Variants in FAM107A observed in about 807,000 individuals in gnomAD.
The protein encoded by FAM107A is family with sequence similarity 107 member A.
FAM107A carries 19 observed loss-of-function variants against 13.7 expected under a neutral mutation model. The observed-to-expected ratio is 1.38, with a 90% CI of 0.97 to 2.03. FAM107A has a LOEUF of 2.03. FAM107A is among the 30% of genes most tolerant of loss of function. FAM107A has a pLI of 0.00. For missense variants in FAM107A, 203 were observed against 184.4 expected, an observed-to-expected ratio of 1.10 and a Z score of -0.58; for synonymous variants, 82 against 74.5, an observed-to-expected ratio of 1.10 and a Z score of -0.52.
At chr3:58,607,884 A>G (rs2065810897) in intron 1 of FAM107A, 1 of 152,236 alleles carries the variant, frequency 6.6e-6, no homozygotes, top group Non-Finnish European at 1.5e-5. Context: ...GAGCCTCTGA[A>G]TGAGAACACA....
In FAM107A at chr3:58,564,209, C is replaced by G. The variant is rs2063598640; in HGVS notation, c.*2379G>C. 6.6e-6 allele frequency: 1 copy of G among 152,188 alleles called. No homozygotes were observed. The highest frequency in any genetic ancestry group is 1.5e-5 in the Non-Finnish European group (1 of 68,056). 9.4% of individuals were successfully genotyped at this position (152,188 alleles called of 1,614,324 possible). On this transcript the variant is annotated 3_prime_UTR_variant, in exon 4 of 4. Coordinates refer to ENST00000360997, the MANE Select transcript of FAM107A (RefSeq NM_001076778.3). This position sits in a 1 kb window ranked among gnomAD's most constrained non-coding sequence, Gnocchi z 5.6. ...GGTGAAATAATGATAGGGTCAATGA[C>G]TCTGTGATTCTCTTGGCCTTTTTGT...
intron 1 of FAM107A, among the ~76,000 whole-genome samples, chr3:58,594,122 C>A (rs1190129642): frequency 1.3e-5 from 2 of 152,202 alleles, no homozygotes; most frequent in African/African-American, 4.8e-5. Context: ...CAAAGCCCAA[C>A]TATGGACATT....
In FAM107A at chr3:58,569,590, C is replaced by G. The variant is rs1200119043; in HGVS notation, c.170+101G>C. 9.9e-7 allele frequency: 1 copy of G among 1,005,098 alleles called. No homozygotes were observed. Among genetic ancestry groups the G allele is most frequent in the African/African-American group, 1.6e-5 (1 of 61,610 alleles). The allele number at this position is 1,005,098 out of a possible 1,614,324, so 62.3% of individuals were successfully genotyped here. ...TCAGCCTTCCTCAGTCTCCAGGAGC[C>G]CCAGGATGAAAGCCAGCTCTGCTTT... is the stretch of plus-strand genomic sequence containing the variant. On this transcript the variant is annotated intron_variant, in intron 2 of 3. Transcript: ENST00000360997. This position sits in a 1 kb window ranked among gnomAD's most constrained non-coding sequence, Gnocchi z 5.7.
chr3:58,624,526 C>T (rs1158865881), intron 1 of FAM107A, among the ~76,000 whole-genome samples: 1 of 152,272 alleles, frequency 6.6e-6, no homozygotes, highest in East Asian at 1.9e-4. Flanking sequence ...GGGGCCATTA[C>T]AATGAAATGT....
intron 1 of FAM107A, among the ~76,000 whole-genome samples, chr3:58,595,137 C>A (rs186359428): frequency 2.6e-5 from 4 of 152,248 alleles, no homozygotes; most frequent in Non-Finnish European, 5.9e-5. Context: ...CCCACACCCC[C>A]CCAGTCCCAC....
rs79499588 is a variant in FAM107A, at chr3:58,617,412, A to G, written c.-70+10004T>C. On this transcript the variant is annotated intron_variant, in intron 1 of 3. Coordinates refer to the FAM107A transcript ENST00000465970. The surrounding 1 kb of genome is among the most constrained non-coding windows in gnomAD (Gnocchi z 4.5). ...CTCAGGCCCCGTCCTGAGCTTCCTGAGGAGCCGGATGTCACCTAGACCAAG... is the reference window on the plus strand; with the variant it reads ...CTCAGGCCCCGTCCTGAGCTTCCTGGGGAGCCGGATGTCACCTAGACCAAG... Among the ~76,000 whole-genome samples, 3,426 of 152,170 alleles carry G rather than the reference A, an allele frequency of 0.023. 75 individuals are homozygous for G. Among genetic ancestry groups the G allele is most frequent in the African/African-American group, 0.049 (2,034 of 41,520 alleles).
At chr3:58,606,866 T>C (rs1271993581) in intron 1 of FAM107A, among the ~76,000 whole-genome samples, 1 of 152,216 alleles carries the variant, frequency 6.6e-6, no homozygotes, top group East Asian at 1.9e-4. Flanking sequence ...TCTTGTAGTT[T>C]AAGAATGAGA....
upstream of FAM107A, among the ~76,000 whole-genome samples, chr3:58,579,838 T>C (rs929039753): frequency 1.4e-4 from 21 of 152,244 alleles, no homozygotes; most frequent in African/African-American, 5.1e-4. Flanking sequence ...CGTGGGCAGT[T>C]GGGAGTCACT....
chr3:58,610,381 A>G (rs1431122570), intron 1 of FAM107A, among the ~76,000 whole-genome samples: 1 of 152,174 alleles, frequency 6.6e-6, no homozygotes, highest in African/African-American at 2.4e-5. Flanking sequence ...AGGGATGACG[A>G]AGGCCCTGCC....
intron 1 of FAM107A, among the ~76,000 whole-genome samples, chr3:58,624,944 A>G (rs1025912189): frequency 1.3e-5 from 2 of 151,398 alleles, no homozygotes; most frequent in African/African-American, 4.8e-5. Flanking sequence ...AGGCCCTGGC[A>G]TAGGGCAGCA....
intron 1 of FAM107A, among the ~76,000 whole-genome samples, chr3:58,599,827 C>T (rs1404118148): frequency 1.4e-5 from 2 of 146,052 alleles, no homozygotes; most frequent in East Asian, 2.0e-4. Flanking sequence ...AAGTGATTCT[C>T]CTGCACCCAG....
At position 58,569,919 on chromosome 3, in the gene FAM107A, C is replaced by G. The variant is rs2063664968; in HGVS notation, c.-5-54G>C. On this transcript the variant is annotated intron_variant, in intron 1 of 3. Transcript: ENST00000360997. This position sits in a 1 kb window ranked among gnomAD's most constrained non-coding sequence, Gnocchi z 5.7. Reference sequence around the variant, plus strand: ...GAGCTGAGCCTATAATCTCACCCTGCCCCATGGGACACAGTTGAAGGGCAA... The same window carrying G: ...GAGCTGAGCCTATAATCTCACCCTGGCCCATGGGACACAGTTGAAGGGCAA... 1.9e-6 allele frequency: 3 copies of G among 1,548,050 alleles called. No homozygotes were observed. In the Admixed American group the frequency reaches 5.6e-5, roughly 29 times the overall value.
chr3:58,626,658 C>T (rs1348578263), intron 1 of FAM107A, among the ~76,000 whole-genome samples: 2 of 152,200 alleles, frequency 1.3e-5, no homozygotes, highest in East Asian at 1.9e-4. Context: ...ATCAGACACT[C>T]TCCTGGGGTA....
At chr3:58,566,903 G>A (rs2108034825) in intron 3 of FAM107A, 1 of 607,666 alleles carries the variant, frequency 1.6e-6, no homozygotes, top group Non-Finnish European at 2.9e-6. Flanking sequence ...ACCCCCTCTG[G>A]GCCTCAGCTT....
intron 1 of FAM107A, among the ~76,000 whole-genome samples, chr3:58,583,747 CA>C (rs1274548353): frequency 6.6e-6 from 1 of 151,738 alleles, no homozygotes; most frequent in Non-Finnish European, 1.5e-5. Flanking sequence ...GTGGAGCAAA[CA>C]CAGCTCATGG....
At chr3:58,567,058 A>C (rs1290229645) in intron 3 of FAM107A, 150 bp downstream of exon 3, 6 of 957,618 alleles carry the variant, frequency 6.3e-6, no homozygotes, top group Non-Finnish European at 9.7e-6. Context: ...AGTGAATGGC[A>C]GAGGGAGGAC....
chr3:58,566,830 C>T, intron 3 of FAM107A, 135 bp from the exon 4 acceptor site: 2 of 687,008 alleles, frequency 2.9e-6, no homozygotes, highest in Non-Finnish European at 5.1e-6. Flanking sequence ...TGCTATCAGC[C>T]TGGTAGCTGG....
chr3:58,590,492 A>G (rs759620569), upstream of FAM107A, among the ~76,000 whole-genome samples: 7 of 152,254 alleles, frequency 4.6e-5, no homozygotes, highest in Non-Finnish European at 8.8e-5. Flanking sequence ...TCACACTGCT[A>G]TAAAGATACT....
In FAM107A at chr3:58,604,412, G is replaced by T. The variant is rs1389915676; in HGVS notation, c.-69-15143C>A. 6.6e-6 allele frequency among the ~76,000 whole-genome samples: 1 copy of T among 152,022 alleles called. No individual in the cohort carries two copies. Among genetic ancestry groups the T allele is most frequent in the African/African-American group, 2.4e-5 (1 of 41,378 alleles). On this transcript the variant is annotated intron_variant, in intron 1 of 3. Transcript: ENST00000465970. This position sits in a 1 kb window ranked among gnomAD's most constrained non-coding sequence, Gnocchi z 4.1. ...TGTGCCAGACAGACTCAGAATTCTG[G>T]AGAGAAAGGGCCCTTTGAGATGATC...
Sources: gnomAD v4.1 joint callset for allele counts (sites outside exome capture counted in the v4.1 genomes callset) on GRCh38, gnomAD v4.1.1 for gene constraint, Gnocchi (gnomAD v3.1) non-coding constraint, MANE v1.5 for transcripts, NCBI Gene and HGNC (gene_info 2026-07-23, HGNC 2026-07-21) for gene names.